Variants in ATP2B2 observed in about 807,000 individuals in gnomAD.
ATP2B2 encodes ATPase plasma membrane Ca2+ transporting 2.
Under a neutral mutation model 120.0 loss-of-function variants are expected in ATP2B2, and 15 were observed. That is an observed-to-expected ratio of 0.12 (90% confidence interval 0.08 to 0.19). The LOEUF (loss-of-function observed/expected upper bound fraction) is 0.19. Among genes scored for constraint, ATP2B2 ranks in the 10% least tolerant of loss-of-function variants. The pLI is 1.00. For missense variants in ATP2B2, 1,045 were observed against 1,719.8 expected, an observed-to-expected ratio of 0.61 and a Z score of 6.94; for synonymous variants, 694 against 700.3, an observed-to-expected ratio of 0.99 and a Z score of 0.14.
At chr3:10,579,043 T>C (rs1019675336) in intron 2 of ATP2B2, among the ~76,000 whole-genome samples, 2 of 152,174 alleles carry the variant, frequency 1.3e-5, no homozygotes, top group Admixed American at 1.3e-4. Flanking sequence ...ATTTGCTCAT[T>C]GTACTGTGCA....
In ATP2B2 at chr3:10,690,201, A is replaced by AG. The variant is rs1234214052; in HGVS notation, c.-460+17713dup. On this transcript the variant is annotated intron_variant, in intron 1 of 21. Coordinates refer to the ATP2B2 transcript ENST00000646379. ...TTTGTTCTCCGTCCAGGCTTGACAT[A>AG]GGGGGGGACAAACTGCTGATTCTCG... Among the ~76,000 whole-genome samples the AG allele has an allele frequency of 8.6e-5, 13 of 150,900 alleles. No individual in the cohort carries two copies. In the East Asian group the frequency reaches 2.1e-3, roughly 25 times the overall value.
intron 1 of ATP2B2, among the ~76,000 whole-genome samples, chr3:10,498,942 G>T (rs888280565): frequency 1.3e-5 from 2 of 152,208 alleles, no homozygotes; most frequent in African/African-American, 4.8e-5. Context: ...TGCCTGGCAT[G>T]ATGAGGGTTC....
At chr3:10,656,516 C>T (rs1169703221) in intron 1 of ATP2B2, among the ~76,000 whole-genome samples, 1 of 152,188 alleles carries the variant, frequency 6.6e-6, no homozygotes, top group Non-Finnish European at 1.5e-5. Context: ...CTTTCACCAC[C>T]TCACCCTGGC....
At position 10,343,034 on chromosome 3, in the gene ATP2B2, A is replaced by T. The variant is rs908918905; in HGVS notation, c.2704-69T>A. 19 of 1,526,954 alleles carry T rather than the reference A, an allele frequency of 1.2e-5. No individual in the cohort carries two copies. The highest frequency in any genetic ancestry group is 1.7e-5 in the Non-Finnish European group (19 of 1,106,820). 94.6% of individuals were successfully genotyped at this position (1,526,954 alleles called of 1,614,324 possible). The stretch of plus-strand genomic sequence containing the variant: ...CTGCTGTGAAGTGCTGGGCGGGCTC[A>T]TGGTGTAGTGTCCGCAGGCTCCTGC... On this transcript the variant is annotated intron_variant, in intron 18 of 22. Coordinates refer to ENST00000360273, the MANE Select transcript of ATP2B2 (RefSeq NM_001001331.4). This position sits in a 1 kb window ranked among gnomAD's most constrained non-coding sequence, Gnocchi z 4.2.
Position 10,423,258 on chromosome 3 carries a change from G to A in ATP2B2, c.200-12443C>T, listed in dbSNP as rs369238842. On this transcript the variant is annotated intron_variant, in intron 2 of 22. Transcript: ENST00000360273. ...GTTAATCTGGCCACCCATCCCTAAG[G>A]CTCCCTGTCCCCTCTCCTCCACATC... is the stretch of plus-strand genomic sequence containing the variant. Among the ~76,000 whole-genome samples, 20 of 152,086 alleles carry A rather than the reference G, an allele frequency of 1.3e-4. 1 individual carries two copies. The highest frequency in any genetic ancestry group is 9.6e-4 in the East Asian group (5 of 5,192).
intron 1 of ATP2B2, among the ~76,000 whole-genome samples, chr3:10,453,352 G>C (rs2125200642): frequency 6.6e-6 from 1 of 152,300 alleles, no homozygotes; most frequent in South Asian, 2.1e-4. Flanking sequence ...AAATTATTGT[G>C]ATTATTATTG....
intron 1 of ATP2B2, among the ~76,000 whole-genome samples, chr3:10,690,949 C>T (rs984756262): frequency 3.9e-5 from 6 of 152,254 alleles, no homozygotes; most frequent in Non-Finnish European, 7.3e-5. Flanking sequence ...ATGCCTAAGA[C>T]AGTGCCTGGC....
chr3:10,683,760 G>GTGTGTATGTATATA (rs1446781892), intron 1 of ATP2B2, among the ~76,000 whole-genome samples: 3 of 53,904 alleles, frequency 5.6e-5, no homozygotes, highest in Admixed American at 2.5e-4. Flanking sequence ...GTGTGTGTGT[G>GTGTGTATGTATATA]TATATATATA....
At chr3:10,483,590 C>T (rs1472118985) in intron 1 of ATP2B2, among the ~76,000 whole-genome samples, 1 of 152,212 alleles carries the variant, frequency 6.6e-6, no homozygotes, top group Non-Finnish European at 1.5e-5. Context: ...AAGCCTCTTA[C>T]TGGGGAATTC....
chr3:10,664,858 T>C (rs1399562481), intron 1 of ATP2B2, among the ~76,000 whole-genome samples: 1 of 152,110 alleles, frequency 6.6e-6, no homozygotes, highest in African/African-American at 2.4e-5. Context: ...GTCCCTCCCA[T>C]CTCAGGAAAA....
At chr3:10,455,213 TAAC>T (rs759117324) in intron 1 of ATP2B2, among the ~76,000 whole-genome samples, 3 of 152,162 alleles carry the variant, frequency 2.0e-5, no homozygotes, top group Non-Finnish European at 4.4e-5. Flanking sequence ...TCAGGAAAGA[TAAC>T]AAAATCAGCA....
chr3:10,535,951 C>A (rs182595253), intron 2 of ATP2B2, among the ~76,000 whole-genome samples: 1 of 152,018 alleles, frequency 6.6e-6, no homozygotes, highest in East Asian at 1.9e-4. Context: ...AACTGTTTTC[C>A]AGTATGGTAA....
intron 1 of ATP2B2, among the ~76,000 whole-genome samples, 173 bp downstream of exon 1, chr3:10,505,292 G>C (rs2066577609): frequency 6.6e-6 from 1 of 152,060 alleles, no homozygotes; most frequent in African/African-American, 2.4e-5. Context: ...GCTGCTGCCA[G>C]ATAAACAAGC....
At chr3:10,692,063 T>C (rs2125714528) in intron 1 of ATP2B2, among the ~76,000 whole-genome samples, 1 of 152,268 alleles carries the variant, frequency 6.6e-6, no homozygotes. Context: ...TTTGAGAAAG[T>C]TTTTACGAAT....
At chr3:10,682,446 G>A (rs1349515442) in intron 1 of ATP2B2, among the ~76,000 whole-genome samples, 2 of 152,230 alleles carry the variant, frequency 1.3e-5, no homozygotes, top group East Asian at 1.9e-4. Flanking sequence ...TAACTTCTCT[G>A]TGCCTCAGTT....
At chr3:10,396,414 C>T (rs976229180) in intron 5 of ATP2B2, among the ~76,000 whole-genome samples, 1 of 152,220 alleles carries the variant, frequency 6.6e-6, no homozygotes, top group Non-Finnish European at 1.5e-5. Context: ...CGGAGTGTTT[C>T]CTGCCCTCTT....
At chr3:10,568,723 C>A (rs2068061669) in intron 2 of ATP2B2, among the ~76,000 whole-genome samples, 1 of 152,220 alleles carries the variant, frequency 6.6e-6, no homozygotes, top group Non-Finnish European at 1.5e-5. Context: ...CACTCAGATG[C>A]TTTTCCCAAT....
At chr3:10,579,381 G>C (rs2068330678) in intron 2 of ATP2B2, among the ~76,000 whole-genome samples, 1 of 152,222 alleles carries the variant, frequency 6.6e-6, no homozygotes, top group African/African-American at 2.4e-5. Flanking sequence ...CTTAGAAACA[G>C]ACTGAGAAGG....
intron 1 of ATP2B2, among the ~76,000 whole-genome samples, chr3:10,466,951 G>A (rs931611569): frequency 6.6e-6 from 1 of 152,188 alleles, no homozygotes; most frequent in Non-Finnish European, 1.5e-5. Flanking sequence ...CCCACCATGG[G>A]TGGGTAGGCA....
Sources: allele counts gnomAD v4.1 joint callset (sites outside exome capture counted in the v4.1 genomes callset), GRCh38; gene constraint gnomAD v4.1.1; non-coding constraint Gnocchi (gnomAD v3.1); transcripts MANE v1.5; gene names NCBI Gene and HGNC (gene_info 2026-07-23, HGNC 2026-07-21).